The following ROR1 variants were observed in gnomAD, a reference collection of about 807,000 sequenced individuals.
ROR1 encodes inactive tyrosine-protein kinase transmembrane receptor ROR1.
In ROR1, 19 loss-of-function variants were observed where a neutral mutation model predicts 78.8. That is an observed-to-expected ratio of 0.24 (90% CI 0.17 to 0.35). The LOEUF is 0.35. Among genes scored for constraint, ROR1 ranks in the 10% least tolerant of loss-of-function variants. The probability of loss-of-function intolerance (pLI) is 1.00; values close to 1 mark genes in which losing one functional copy is unlikely to be tolerated. For synonymous variants in ROR1, 386 were observed against 433.6 expected (o/e 0.89, Z 1.36); for missense variants, 917 against 1,177.8 (o/e 0.78, Z 3.24).
chr1:63,802,511 G>T (rs1210582353), intron 1 of ROR1, among the ~76,000 whole-genome samples: 1 of 152,186 alleles, frequency 6.6e-6, no homozygotes, highest in Admixed American at 6.5e-5. Context: ...GTGGGAAAAT[G>T]GAGGTTCATA....
chr1:63,789,446 TG>T (rs1238591038), intron 1 of ROR1: 1 of 267,926 alleles, frequency 3.7e-6, no homozygotes, highest in African/African-American at 2.2e-5. Flanking sequence ...CCTAAGACAA[TG>T]ATTACTTTTG....
chr1:63,841,650 G>C (rs1645049923), intron 1 of ROR1, among the ~76,000 whole-genome samples: 1 of 152,154 alleles, frequency 6.6e-6, no homozygotes, highest in South Asian at 2.1e-4. Flanking sequence ...CATTACACAA[G>C]TAACCATTGA....
At chr1:63,973,460 A>ACCT (rs1646134366) in intron 1 of ROR1, among the ~76,000 whole-genome samples, 2 of 152,186 alleles carry the variant, frequency 1.3e-5, no homozygotes, top group African/African-American at 4.8e-5. Flanking sequence ...TGTAAAGAAG[A>ACCT]CCTCAGAAAA....
chr1:64,113,830 T>C (rs539619668), intron 4 of ROR1: 3 of 151,390 alleles, frequency 2.0e-5, no homozygotes, highest in Non-Finnish European at 4.4e-5. Context: ...AAAGAAAGCA[T>C]AAAGTTTAAA....
chr1:63,907,350 A>G (rs1357058778), intron 1 of ROR1, among the ~76,000 whole-genome samples: 47 of 152,180 alleles, frequency 3.1e-4, no homozygotes, highest in Admixed American at 3.1e-3. Flanking sequence ...TCTGAGCCTC[A>G]GTTTCCTTCT....
chr1:63,894,673 A>T (rs993852989), intron 1 of ROR1, among the ~76,000 whole-genome samples: 1 of 152,184 alleles, frequency 6.6e-6, no homozygotes, highest in Admixed American at 6.5e-5. Context: ...TTTATTGTTT[A>T]TACACCAAAA....
intron 1 of ROR1, among the ~76,000 whole-genome samples, chr1:63,875,683 C>A (rs952603721): frequency 2.6e-5 from 4 of 152,144 alleles, no homozygotes; most frequent in Non-Finnish European, 5.9e-5. Flanking sequence ...ACTGCACACT[C>A]ACAAGTTTAT....
chr1:63,834,161 C>T (rs1422492687), intron 1 of ROR1, among the ~76,000 whole-genome samples: 5 of 151,592 alleles, frequency 3.3e-5, no homozygotes, highest in South Asian at 2.1e-4. Flanking sequence ...TAGACCCTCT[C>T]GGTGGAGCTG....
chr1:64,168,637 TA>T (rs1375116734), intron 8 of ROR1, among the ~76,000 whole-genome samples: 1 of 152,214 alleles, frequency 6.6e-6, no homozygotes, highest in African/African-American at 2.4e-5. Context: ...AAACTGGTGA[TA>T]TGGCCCAAGC....
chr1:64,110,800 G>A (rs921101033), intron 4 of ROR1: 6 of 152,170 alleles, frequency 3.9e-5, no homozygotes, highest in South Asian at 2.1e-4. Context: ...GGGGCTGAGA[G>A]TAGGTAGGAA....
chr1:64,113,959 G>A (rs557657681), intron 4 of ROR1, among the ~76,000 whole-genome samples: 14 of 152,224 alleles, frequency 9.2e-5, no homozygotes, highest in African/African-American at 1.9e-4. Context: ...ACTCTTACTC[G>A]TGGTGATATA....
At chr1:63,863,752 T>C (rs1645196930) in intron 1 of ROR1, among the ~76,000 whole-genome samples, 1 of 147,722 alleles carries the variant, frequency 6.8e-6, no homozygotes, top group Non-Finnish European at 1.5e-5. Flanking sequence ...TATTGTATTG[T>C]ATTGTATTGT....
intron 1 of ROR1, among the ~76,000 whole-genome samples, chr1:63,799,340 C>A (rs1439399597): frequency 6.6e-6 from 1 of 152,210 alleles, no homozygotes; most frequent in Non-Finnish European, 1.5e-5. Flanking sequence ...CTAGCCATAG[C>A]CTACATTGTC....
intron 2 of ROR1, among the ~76,000 whole-genome samples, chr1:64,025,433 A>G (rs1449988482): frequency 6.6e-6 from 1 of 152,198 alleles, no homozygotes; most frequent in East Asian, 1.9e-4. Flanking sequence ...CTACCATTTG[A>G]TCCAGCAATC....
At chr1:64,168,018 T>C (rs1395788754) in intron 8 of ROR1, among the ~76,000 whole-genome samples, 2 of 152,248 alleles carry the variant, frequency 1.3e-5, no homozygotes, top group African/African-American at 4.8e-5. Flanking sequence ...TTAATAGTTG[T>C]GCTTCTTTAG....
At chr1:64,083,374 A>G (rs963748313) in intron 4 of ROR1, among the ~76,000 whole-genome samples, 1 of 152,194 alleles carries the variant, frequency 6.6e-6, no homozygotes, top group African/African-American at 2.4e-5. Context: ...TTTCAGGGAA[A>G]GAATGAGAAT....
chr1:64,041,526 C>G (rs2100582127), intron 2 of ROR1, among the ~76,000 whole-genome samples: 1 of 152,150 alleles, frequency 6.6e-6, no homozygotes, highest in East Asian at 1.9e-4. Context: ...ACTGGGCTTC[C>G]TAAGGAAAGA....
In ROR1 at chr1:64,016,733, T is replaced by TTATATA. The variant is rs58622476; in HGVS notation, c.163+7368_163+7373dup. Among the ~76,000 whole-genome samples, 456 of 140,606 alleles carry TTATATA rather than the reference T, an allele frequency of 3.2e-3. 4 individuals carry two copies. The highest frequency in any genetic ancestry group is 0.011 in the African/African-American group (433 of 38,680). The allele number at this position is 140,606 out of a possible 152,430, so 92.2% of individuals were successfully genotyped here. A position where few individuals can be genotyped will look rare whatever the true frequency, so the allele number is the denominator to read the frequency against. On this transcript the variant is annotated intron_variant, in intron 2 of 8. Coordinates refer to ENST00000371079, the MANE Select transcript of ROR1 (RefSeq NM_005012.4). The stretch of plus-strand genomic sequence containing the variant: ...ATGTACCCTAGAACTTAAAATATAA[T>TTATATA]TATATATATATATATAAAGATTTTA...
intron 1 of ROR1, among the ~76,000 whole-genome samples, chr1:63,813,653 C>A (rs921202554): frequency 1.3e-5 from 2 of 152,174 alleles, no homozygotes; most frequent in Admixed American, 6.5e-5. Flanking sequence ...AGCTTTGCAG[C>A]TGAGTGAATG....
Sources: allele counts gnomAD v4.1 joint callset (sites outside exome capture counted in the v4.1 genomes callset), GRCh38; gene constraint gnomAD v4.1.1; transcripts MANE v1.5; gene names NCBI Gene and HGNC (gene_info 2026-07-23, HGNC 2026-07-21).